The following DLG1 variants were observed in gnomAD, a reference collection of about 807,000 sequenced individuals.
The protein encoded by DLG1 is disks large homolog 1.
A neutral mutation model predicts 123.4 loss-of-function variants in DLG1; 42 were observed. That is an observed-to-expected ratio of 0.34 (90% CI 0.27 to 0.44). The LOEUF (loss-of-function observed/expected upper bound fraction) is 0.44. DLG1 is among the 20% of genes least tolerant of loss of function. DLG1 has a pLI of 1.00. For missense variants in DLG1, 942 were observed against 1,082.6 expected, an observed-to-expected ratio of 0.87 and a Z score of 1.82; for synonymous variants, 317 against 356.2, an observed-to-expected ratio of 0.89 and a Z score of 1.24.
At chr3:197,084,899 G>A (rs922525333) in intron 16 of DLG1, among the ~76,000 whole-genome samples, 1 of 151,552 alleles carries the variant, frequency 6.6e-6, no homozygotes, top group Non-Finnish European at 1.5e-5. Context: ...CAATTCTCCT[G>A]CCTAAGCCTC....
intron 7 of DLG1, 55 bp downstream of exon 7, chr3:197,142,663 A>G: frequency 7.7e-7 from 1 of 1,299,964 alleles, no homozygotes; most frequent in Non-Finnish European, 1.1e-6. Context: ...TCTGTATGAA[A>G]AAGCAGTATA....
intron 4 of DLG1, chr3:197,225,860 A>C (rs1349534693): frequency 3.3e-5 from 5 of 152,658 alleles, no homozygotes; most frequent in Admixed American, 6.5e-5. Flanking sequence ...AACCCACCTT[A>C]CATCCAAACA....
intron 14 of DLG1, among the ~76,000 whole-genome samples, chr3:197,097,575 ACTTT>A (rs1430278611): frequency 7.9e-6 from 1 of 125,912 alleles, no homozygotes; most frequent in East Asian, 2.8e-4. Context: ...CTTTTTTTGT[ACTTT>A]CTTTTTTTTT....
chr3:197,262,916 T>G (rs1258962421), intron 4 of DLG1, among the ~76,000 whole-genome samples: 2 of 152,160 alleles, frequency 1.3e-5, no homozygotes, highest in African/African-American at 4.8e-5. Flanking sequence ...ACATCCCTTA[T>G]CCCATGCAGG....
intron 4 of DLG1, among the ~76,000 whole-genome samples, chr3:197,280,804 C>T (rs1023150652): frequency 6.6e-6 from 1 of 152,096 alleles, no homozygotes; most frequent in Non-Finnish European, 1.5e-5. Context: ...AGAACTAAGA[C>T]AATAAATGTG....
intron 14 of DLG1, among the ~76,000 whole-genome samples, chr3:197,104,301 CAG>C (rs1011479505): frequency 6.6e-6 from 1 of 152,044 alleles, no homozygotes; most frequent in African/African-American, 2.4e-5. Flanking sequence ...AGTTACAGAA[CAG>C]ATTTAAAAAA....
intron 4 of DLG1, among the ~76,000 whole-genome samples, chr3:197,201,458 T>C (rs1489936823): frequency 6.6e-6 from 1 of 152,120 alleles, no homozygotes; most frequent in East Asian, 1.9e-4. Flanking sequence ...ATGAATTCAG[T>C]AAAGTTTCAG....
At chr3:197,132,463 A>G (rs966880659) in intron 10 of DLG1, among the ~76,000 whole-genome samples, 1 of 152,264 alleles carries the variant, frequency 6.6e-6, no homozygotes, top group Non-Finnish European at 1.5e-5. Context: ...TCACAGAATA[A>G]TAATTTCCCT....
At chr3:197,297,056 C>A in intron 2 of DLG1, 130 bp downstream of exon 2, 2 of 950,064 alleles carry the variant, frequency 2.1e-6, no homozygotes, top group East Asian at 2.5e-5. Context: ...GGCTTAGATT[C>A]CCTAAGCAAT....
intron 6 of DLG1, among the ~76,000 whole-genome samples, chr3:197,148,138 C>T (rs1791885798): frequency 6.7e-6 from 1 of 150,226 alleles, no homozygotes; most frequent in Admixed American, 6.7e-5. Flanking sequence ...ATGGCTCACC[C>T]CTGAAATCCC....
chr3:197,248,682 T>C (rs1752944064), intron 4 of DLG1, among the ~76,000 whole-genome samples: 1 of 152,176 alleles, frequency 6.6e-6, no homozygotes. Flanking sequence ...TCTAAACTGA[T>C]CCCGACTGAC....
intron 5 of DLG1, among the ~76,000 whole-genome samples, chr3:197,168,882 A>T (rs967918941): frequency 9.2e-5 from 14 of 152,204 alleles, no homozygotes; most frequent in African/African-American, 3.1e-4. Flanking sequence ...TTTCCATGGC[A>T]ACAGAGGCTA....
chr3:197,129,655 C>T (rs1223006694), intron 11 of DLG1, among the ~76,000 whole-genome samples: 5 of 152,192 alleles, frequency 3.3e-5, no homozygotes, highest in East Asian at 1.9e-4. Flanking sequence ...GCCTTCCTCA[C>T]TAAGTTAAAT....
chr3:197,137,153 C>T (rs1450421388), intron 9 of DLG1, among the ~76,000 whole-genome samples: 2 of 152,168 alleles, frequency 1.3e-5, no homozygotes, highest in Non-Finnish European at 2.9e-5. Flanking sequence ...TTCTGTAATT[C>T]CTAAATCCCA....
At chr3:197,209,458 T>G (rs13060782) in intron 4 of DLG1, among the ~76,000 whole-genome samples, 40,914 of 145,854 alleles carry the variant, frequency 0.28, 10,361 homozygotes, top group East Asian at 0.77. Flanking sequence ...TTAAACTCCT[T>G]GATTAGCAAC....
chr3:197,243,119 G>A (rs1050650029), intron 4 of DLG1, among the ~76,000 whole-genome samples: 8 of 152,162 alleles, frequency 5.3e-5, no homozygotes, highest in African/African-American at 1.2e-4. Flanking sequence ...TCCCAATGCC[G>A]TTCCTGTTTC....
chr3:197,122,016 T>C, intron 11 of DLG1, among the ~76,000 whole-genome samples: 1 of 151,856 alleles, frequency 6.6e-6, no homozygotes, highest in East Asian at 1.9e-4. Context: ...TGAAATAACA[T>C]TCTGAAACAT....
chr3:197,298,447 G>T (rs566245714), intron 1 of DLG1, 89 bp downstream of exon 1: 174 of 398,798 alleles, frequency 4.4e-4, no homozygotes, highest in African/African-American at 3.0e-3. Context: ...GCGTCCCGCA[G>T]TTCCGAACTA....
intron 4 of DLG1, among the ~76,000 whole-genome samples, chr3:197,276,756 T>C (rs1355044386): frequency 3.3e-5 from 5 of 152,182 alleles, no homozygotes; most frequent in Non-Finnish European, 7.3e-5. Flanking sequence ...AATCAAAATT[T>C]GAAGTCAAAG....
Sources: allele counts gnomAD v4.1 joint callset (sites outside exome capture counted in the v4.1 genomes callset), GRCh38; gene constraint gnomAD v4.1.1; transcripts MANE v1.5; gene names NCBI Gene and HGNC (gene_info 2026-07-23, HGNC 2026-07-21).